The following CDH13 variants were observed in gnomAD, a reference collection of about 807,000 sequenced individuals.
The protein encoded by CDH13 is cadherin 13.
A neutral mutation model predicts 63.8 loss-of-function variants in CDH13; 24 were observed. The ratio of observed to expected loss-of-function variants is 0.38; its 90% confidence interval spans 0.27 to 0.53. The LOEUF (loss-of-function observed/expected upper bound fraction) is 0.53, where lower values mean the gene tolerates loss of function less well. Among genes scored for constraint, CDH13 ranks in the 20% least tolerant of loss-of-function variants. The probability of loss-of-function intolerance (pLI) is 0.85; values close to 1 mark genes in which losing one functional copy is unlikely to be tolerated. For missense variants in CDH13, 1,049 were observed against 903.1 expected (o/e 1.16, Z -2.07); for synonymous variants, 503 against 355.3 (o/e 1.42, Z -4.67).
At chr16:83,534,199 T>C (rs2075139888) in intron 7 of CDH13, among the ~76,000 whole-genome samples, 1 of 152,188 alleles carries the variant, frequency 6.6e-6, no homozygotes, top group South Asian at 2.1e-4. Flanking sequence ...GGATGCTCCA[T>C]ACAAATGAAA....
intron 5 of CDH13, among the ~76,000 whole-genome samples, chr16:83,225,768 TAA>T (rs2039821684): frequency 6.6e-6 from 1 of 152,214 alleles, no homozygotes; most frequent in African/African-American, 2.4e-5. Context: ...AGTATGTTTA[TAA>T]AATTCTCCAA....
At chr16:83,067,932 A>T (rs1477508412) in intron 3 of CDH13, among the ~76,000 whole-genome samples, 1 of 152,056 alleles carries the variant, frequency 6.6e-6, no homozygotes, top group East Asian at 1.9e-4. Flanking sequence ...ACCTATGAAA[A>T]ATATCCCTGG....
At chr16:83,257,621 G>C (rs1906456661) in intron 5 of CDH13, among the ~76,000 whole-genome samples, 1 of 152,196 alleles carries the variant, frequency 6.6e-6, no homozygotes, top group Admixed American at 6.5e-5. Flanking sequence ...CTGTGTAGTA[G>C]TATTGTGTGG....
At chr16:83,494,286 A>T (rs1027286965) in intron 7 of CDH13, among the ~76,000 whole-genome samples, 1 of 152,162 alleles carries the variant, frequency 6.6e-6, no homozygotes, top group African/African-American at 2.4e-5. Context: ...CATTTTTGGA[A>T]AAAGTTCTTT....
chr16:82,757,077 T>G (rs2034638810), intron 1 of CDH13, among the ~76,000 whole-genome samples: 1 of 152,264 alleles, frequency 6.6e-6, no homozygotes, highest in Admixed American at 6.5e-5. Flanking sequence ...CCTCCATCAC[T>G]CTCACCTCCA....
At chr16:83,290,470 G>A (rs574936633) in intron 5 of CDH13, among the ~76,000 whole-genome samples, 2 of 152,078 alleles carry the variant, frequency 1.3e-5, no homozygotes, top group African/African-American at 4.8e-5. Context: ...TTCTGCACAC[G>A]CCTTCCTGCC....
chr16:83,015,915 C>T (rs1213357658), intron 2 of CDH13, among the ~76,000 whole-genome samples: 1 of 151,604 alleles, frequency 6.6e-6, no homozygotes, highest in Admixed American at 6.6e-5. Flanking sequence ...TTGTGCACTT[C>T]CCATGATAAT....
chr16:83,718,614 G>T (rs928083460), intron 10 of CDH13, among the ~76,000 whole-genome samples: 1 of 152,098 alleles, frequency 6.6e-6, no homozygotes, highest in Non-Finnish European at 1.5e-5. Context: ...AGGTGCCGGT[G>T]GGTGTGTGAT....
chr16:83,481,612 G>A lies in CDH13; in HGVS notation c.782-4865G>A, dbSNP rs529564366. Among the ~76,000 whole-genome samples, 6 of 152,326 alleles carry A rather than the reference G, an allele frequency of 3.9e-5. No individual in the cohort carries two copies. The South Asian group carries it at 1.2e-3, about 32-fold the overall frequency. On this transcript the variant is annotated intron_variant, in intron 6 of 13. Transcript: ENST00000567109. ...CACTTGTTAATCAGCCTGTCAGGCT[G>A]GCGGCCGTGTCCTTCGGCAAAAGAA...
At chr16:82,975,059 TGGCCCAACTC>T (rs1381719639) in intron 2 of CDH13, among the ~76,000 whole-genome samples, 6 of 152,308 alleles carry the variant, frequency 3.9e-5, no homozygotes, top group African/African-American at 1.4e-4. Context: ...CGGCATCACT[TGGCCCAACTC>T]GTCTTTCTGA....
chr16:83,767,347 G>T (rs1294499341), intron 11 of CDH13, among the ~76,000 whole-genome samples: 3 of 152,154 alleles, frequency 2.0e-5, no homozygotes, highest in Non-Finnish European at 4.4e-5. Context: ...TGTTCTTATG[G>T]TAGCGAATAA....
intron 2 of CDH13, among the ~76,000 whole-genome samples, chr16:82,882,933 C>T (rs1485162075): frequency 6.6e-6 from 1 of 152,102 alleles, no homozygotes; most frequent in Non-Finnish European, 1.5e-5. Context: ...TAAGCCTACC[C>T]CTTTAATGGG....
At chr16:83,430,944 T>C (rs772001241) in intron 6 of CDH13, among the ~76,000 whole-genome samples, 4 of 151,190 alleles carry the variant, frequency 2.6e-5, no homozygotes, top group Non-Finnish European at 5.9e-5. Flanking sequence ...ATTAGGTATA[T>C]CTCCCAATGC....
chr16:83,060,085 C>T (rs1420390112), intron 3 of CDH13, among the ~76,000 whole-genome samples: 1 of 152,232 alleles, frequency 6.6e-6, no homozygotes, highest in East Asian at 1.9e-4. Context: ...TGAGCCACCG[C>T]ACCCGGCCTA....
rs188349831 is a variant in CDH13 at position 82,785,894 on chromosome 16, C to T, written c.46-72468C>T. Among the ~76,000 whole-genome samples the T allele has an allele frequency of 2.9e-4, 44 of 152,284 alleles. 1 individual carries two copies. In the East Asian group the frequency reaches 7.3e-3, roughly 25 times the overall value. On this transcript the variant is annotated intron_variant, in intron 1 of 13. Coordinates refer to ENST00000567109, the MANE Select transcript of CDH13 (RefSeq NM_001257.5). Reference sequence around the variant, plus strand: ...CTTACAGATGGAACTATGGTGAGCCCACATTTGGACAAGAGAGGGGAAGGG... The same window carrying T: ...CTTACAGATGGAACTATGGTGAGCCTACATTTGGACAAGAGAGGGGAAGGG...
chr16:83,290,660 A>G (rs931336903), intron 5 of CDH13, among the ~76,000 whole-genome samples: 1 of 152,152 alleles, frequency 6.6e-6, no homozygotes, highest in Non-Finnish European at 1.5e-5. Flanking sequence ...TTATCGAATG[A>G]CTTCTACACA....
At chr16:82,993,350 T>C (rs1004632332) in intron 2 of CDH13, among the ~76,000 whole-genome samples, 2 of 152,152 alleles carry the variant, frequency 1.3e-5, no homozygotes, top group African/African-American at 4.8e-5. Context: ...TGCTTACGCT[T>C]ATTAAACTAC....
At chr16:83,570,753 TTA>T (rs1904509243) in intron 7 of CDH13, among the ~76,000 whole-genome samples, 1 of 143,654 alleles carries the variant, frequency 7.0e-6, no homozygotes, top group South Asian at 2.1e-4. Context: ...TTTATAAAAA[TTA>T]TATATTTATA....
intron 7 of CDH13, among the ~76,000 whole-genome samples, chr16:83,560,901 C>G (rs75793425): frequency 7.2e-6 from 1 of 139,352 alleles, no homozygotes; most frequent in Admixed American, 6.9e-5. Flanking sequence ...TAAGGTTGGC[C>G]CCCCCCCCGC....
Sources: allele counts gnomAD v4.1 joint callset (sites outside exome capture counted in the v4.1 genomes callset), GRCh38; gene constraint gnomAD v4.1.1; transcripts MANE v1.5; gene names NCBI Gene and HGNC (gene_info 2026-07-23, HGNC 2026-07-21).